C9orf43: variants seen among roughly 807,000 people sequenced by gnomAD.
The protein encoded by C9orf43 is uncharacterized protein C9orf43.
A neutral mutation model predicts 59.1 loss-of-function variants in C9orf43; 45 were observed. The ratio of observed to expected loss-of-function variants is 0.76; its 90% CI spans 0.60 to 0.98. The LOEUF (loss-of-function observed/expected upper bound fraction) is 0.98. Ranked by LOEUF, C9orf43 falls within the 50% of genes least tolerant of loss-of-function variation. The pLI, the probability that C9orf43 is intolerant of heterozygous loss-of-function variation, is 0.00. For missense variants in C9orf43, 533 were observed against 554.9 expected (o/e 0.96, Z 0.40); for synonymous variants, 203 against 196.8 (o/e 1.03, Z -0.26).
intron 7 of C9orf43, among the ~76,000 whole-genome samples, chr9:113,423,891 T>C (rs1057453193): frequency 6.6e-6 from 1 of 152,250 alleles, no homozygotes; most frequent in African/African-American, 2.4e-5. Flanking sequence ...TTTAGCCTCT[T>C]AAAGCTTCAT....
chr9:113,429,235 C>G lies in C9orf43; in HGVS notation c.1235C>G (p.Pro412Arg). The G allele has an allele frequency of 1.2e-6, 2 of 1,614,204 alleles. No homozygotes were observed. The highest frequency in any genetic ancestry group is 4.5e-5 in the East Asian group (2 of 44,890). Residue 412 changes from proline (P) to arginine (R), a missense_variant, in exon 14 of 14, where the codon CCA (proline) becomes CGA (arginine). Coordinates refer to ENST00000374165, the MANE Select transcript of C9orf43 (RefSeq NM_001278629.2). ...ATTAGTGCTCCAGTGGACGCTGTGC[C>G]AGAAGCCCAGGCTGCCAGGCAAAAG... ...KDISAPVDAV[P>R]EAQAARQKKI...
intron 5 of C9orf43, among the ~76,000 whole-genome samples, chr9:113,421,490 G>T (rs1828571283): frequency 6.6e-6 from 1 of 151,498 alleles, no homozygotes; most frequent in African/African-American, 2.4e-5. Context: ...AGAAATAAAT[G>T]CTCTCTCTTA....
Position 113,429,289 on chromosome 9 carries a change from T to C in C9orf43, c.1289T>C (p.Met430Thr). Residue 430 changes from methionine to threonine, a missense_variant, in exon 14 of 14, where the codon ATG becomes ACG. By Grantham distance (81) the Met-to-Thr change is moderately conservative. Coordinates refer to ENST00000374165, the MANE Select transcript of C9orf43 (RefSeq NM_001278629.2). ...KKISFNFSEI[M>T]ASTGWNSELK... Reference sequence around the variant, plus strand: ...ATCTCCTTTAACTTTTCAGAAATTATGGCTAGCACAGGCTGGAACTCTGAG... The same window carrying C: ...ATCTCCTTTAACTTTTCAGAAATTACGGCTAGCACAGGCTGGAACTCTGAG... 1 of 1,614,224 alleles carries C rather than the reference T, an allele frequency of 6.2e-7. No homozygotes were observed. Among genetic ancestry groups the C allele is most frequent in the Non-Finnish European group, 8.5e-7 (1 of 1,180,024 alleles).
At chr9:113,416,286 G>GTA (rs1828354927) in intron 3 of C9orf43, among the ~76,000 whole-genome samples, 2 of 152,142 alleles carry the variant, frequency 1.3e-5, no homozygotes, top group Non-Finnish European at 2.9e-5. Flanking sequence ...CCCTTTATCA[G>GTA]AACTTTGTTT....
In C9orf43 at chr9:113,424,195, T is replaced by C. The variant is rs368689694; in HGVS notation, c.686T>C (p.Leu229Pro). 1.4e-5 allele frequency: 23 copies of C among 1,612,380 alleles called. No individual in the cohort carries two copies. The highest frequency in any genetic ancestry group is 1.5e-5 in the Non-Finnish European group (18 of 1,179,332). Residue 229 changes from leucine to proline, a missense_variant, in exon 8 of 14, where the codon CTC becomes CCC. Transcript: ENST00000374165. ...ELLPGGKQTMLCPEMKIKLAM... is the reference protein window; with the variant it reads ...ELLPGGKQTMPCPEMKIKLAM... ...TTGCCAGGTGGAAAGCAAACCATGC[T>C]CTGTCCAGAGATGAAGATAAAATTG...
intron 3 of C9orf43, among the ~76,000 whole-genome samples, chr9:113,416,201 C>T (rs776419223): frequency 6.6e-6 from 1 of 152,172 alleles, no homozygotes; most frequent in African/African-American, 2.4e-5. Flanking sequence ...CTTTTCTCCT[C>T]GAAGCTATTT....
rs375803398 is a variant in C9orf43 at position 113,423,546 on chromosome 9, C to T, written c.656+48C>T. 3.2e-6 allele frequency: 5 copies of T among 1,572,124 alleles called. No homozygotes were observed. The African/African-American group carries it at 5.4e-5, about 17-fold the overall frequency. ...GGAGAGCCAGAGCACCTGCTTTTTA[C>T]TGAAGCTGGGATGGGTCTAAACAGT... On this transcript the variant is annotated intron_variant, in intron 7 of 13. Coordinates refer to ENST00000374165, the MANE Select transcript of C9orf43 (RefSeq NM_001278629.2).
chr9:113,422,652 C>G, intron 6 of C9orf43, 67 bp downstream of exon 6: 1 of 1,571,890 alleles, frequency 6.4e-7, no homozygotes, highest in Admixed American at 1.7e-5. Context: ...GTTTTCCTTT[C>G]AGGTCTCCTC....
chr9:113,423,647 C>A, intron 7 of C9orf43, 149 bp downstream of exon 7: 1 of 693,040 alleles, frequency 1.4e-6, no homozygotes, highest in Non-Finnish European at 2.3e-6. Context: ...TACCAACAGG[C>A]AGGGATGACC....
chr9:113,413,430 C>A lies in C9orf43; in HGVS notation c.-49-15C>A. The A allele has an allele frequency of 6.4e-7, 1 of 1,562,402 alleles. No homozygotes were observed. On this transcript the variant is annotated splice_polypyrimidine_tract_variant and intron_variant, in intron 1 of 13. Transcript: ENST00000374165. ...TGTATAATACTCCCTAATTATGTAG[C>A]TGTTGATTTTCCAGAGCACTAGAAT...
At chr9:113,417,822 G>T (rs1377056916) in intron 3 of C9orf43, among the ~76,000 whole-genome samples, 1 of 152,218 alleles carries the variant, frequency 6.6e-6, no homozygotes, top group African/African-American at 2.4e-5. Context: ...CAGAGATGAG[G>T]CTGGGGAGCT....
At chr9:113,415,650 C>T (rs1828330464) in intron 3 of C9orf43, among the ~76,000 whole-genome samples, 1 of 151,902 alleles carries the variant, frequency 6.6e-6, no homozygotes, top group Non-Finnish European at 1.5e-5. Context: ...TTTGTAAGCT[C>T]CTAAAGGAAA....
rs1828750254 is a variant in C9orf43 at position 113,425,383 on chromosome 9, A to G, written c.905A>G (p.Gln302Arg). Reference sequence around the variant, plus strand: ...CAGCAGCGGCAGCAGCAGCAGCAGCAGCAACAGAAGAAGGTGAAAACACCT... The same window carrying G: ...CAGCAGCGGCAGCAGCAGCAGCAGCGGCAACAGAAGAAGGTGAAAACACCT... Reference protein sequence around the residue: ...KQQQRQQQQQQQQKKVKTPIK... With the variant: ...KQQQRQQQQQRQQKKVKTPIK... Residue 302 changes from glutamine (Q) to arginine (R), a missense_variant, in exon 10 of 14, where the codon CAG becomes CGG. Physicochemically the swap from Gln to Arg is conservative, Grantham distance 43 (BLOSUM62 1). Transcript: ENST00000374165. 1.2e-6 allele frequency: 2 copies of G among 1,613,982 alleles called. No homozygotes were observed. Among genetic ancestry groups the G allele is most frequent in the Non-Finnish European group, 1.7e-6 (2 of 1,180,006 alleles).
intron 3 of C9orf43, among the ~76,000 whole-genome samples, chr9:113,418,663 A>G (rs1828463159): frequency 1.3e-5 from 2 of 152,200 alleles, no homozygotes; most frequent in East Asian, 1.9e-4. Flanking sequence ...TTTTCAGACC[A>G]TAGTTGACTG....
In C9orf43 at chr9:113,425,416, A is replaced by C. The variant is rs1325563982; in HGVS notation, c.938A>C (p.Lys313Thr). 1 of 1,613,484 alleles carries C rather than the reference A, an allele frequency of 6.2e-7. No homozygotes were observed. The highest frequency in any genetic ancestry group is 8.5e-7 in the Non-Finnish European group (1 of 1,179,724). Residue 313 changes from lysine (K) to threonine (T), a missense_variant, in exon 10 of 14, where the codon AAA (lysine) becomes ACA (threonine). Lys to Thr is a moderately conservative substitution (Grantham distance 78). Transcript: ENST00000374165. ...QQKKVKTPIK[K>T]QEAKKKAKSD... ...AAGAAGGTGAAAACACCTATTAAGA[A>C]ACAGGTAGAGTGGCAGTGAGGGGCT...
At chr9:113,419,054 T>G in intron 3 of C9orf43, 54 bp from the exon 4 acceptor site, 1 of 1,425,750 alleles carries the variant, frequency 7.0e-7, no homozygotes. Flanking sequence ...ACTAACGTTA[T>G]CATTCCAATA....
At position 113,429,572 on chromosome 9, in the gene C9orf43, A is replaced by T. The variant is rs1046877416; in HGVS notation, c.*186A>T. ...GATTCCATTTTCTTTGTTCACCTCTACTTGCCTCTAAAATAAATGTAGGAG... is the reference window on the plus strand; with the variant it reads ...GATTCCATTTTCTTTGTTCACCTCTTCTTGCCTCTAAAATAAATGTAGGAG... On this transcript the variant is annotated 3_prime_UTR_variant, in exon 14 of 14. Transcript: ENST00000374165. The T allele has an allele frequency of 1.1e-5, 6 of 550,354 alleles. No individual in the cohort carries two copies. The highest frequency in any genetic ancestry group is 1.6e-5 in the Non-Finnish European group (5 of 311,790). 34.1% of individuals were successfully genotyped at this position (550,354 alleles called of 1,614,324 possible).
At chr9:113,422,494 T>G (rs1400732933) in intron 5 of C9orf43, 55 bp from the exon 6 acceptor site, 9 of 1,605,666 alleles carry the variant, frequency 5.6e-6, no homozygotes, top group Non-Finnish European at 7.6e-6. Context: ...CTTACTCTTA[T>G]TTCAAGTCCA....
At position 113,413,887 on chromosome 9, in the gene C9orf43, C is replaced by T; in HGVS notation, c.280C>T (p.His94Tyr). The change falls in exon 3 of 14, where the codon CAT becomes TAT. Residue 94 changes from histidine (H) to tyrosine (Y), a missense_variant. Coordinates refer to ENST00000374165, the MANE Select transcript of C9orf43 (RefSeq NM_001278629.2). ...GAGTTCAAAGTTTTACTCCAAATTT[C>T]ATGGCAGGTAAATTATCATGGAATC... ...SQSSKFYSKF[H>Y]GRPPKGLPDK... 6.2e-7 allele frequency: 1 copy of T among 1,608,102 alleles called. No individual in the cohort carries two copies. The highest frequency in any genetic ancestry group is 2.2e-5 in the East Asian group (1 of 44,852).
Sources: gnomAD v4.1 joint callset for allele counts (sites outside exome capture counted in the v4.1 genomes callset) on GRCh38, gnomAD v4.1.1 for gene constraint, MANE v1.5 for transcripts, NCBI Gene and HGNC (gene_info 2026-07-23, HGNC 2026-07-21) for gene names.